The following PARD3B variants were observed in gnomAD, a reference collection of about 807,000 sequenced individuals.
The protein encoded by PARD3B is par-3 family cell polarity regulator beta, also known as partitioning defective 3 homolog B.
PARD3B carries 103 observed loss-of-function variants against 130.2 expected under a neutral mutation model. The observed-to-expected ratio is 0.79, with a 90% CI of 0.67 to 0.93. The LOEUF (loss-of-function observed/expected upper bound fraction) is 0.93, where lower values mean the gene tolerates loss of function less well. Among genes scored for constraint, PARD3B ranks in the 40% least tolerant of loss-of-function variants. PARD3B has a pLI of 0.00. For missense variants in PARD3B, 1,609 were observed against 1,499.2 expected (o/e 1.07, Z -1.21); for synonymous variants, 583 against 553.2 (o/e 1.05, Z -0.76).
At chr2:205,046,811 GC>G (rs1198822661) in intron 3 of PARD3B, among the ~76,000 whole-genome samples, 1 of 152,114 alleles carries the variant, frequency 6.6e-6, no homozygotes, top group Non-Finnish European at 1.5e-5. Flanking sequence ...CTCTGTAGTG[GC>G]CAACTTTGTA....
Position 205,240,171 on chromosome 2 carries a change from T to G in PARD3B, c.2141-5607T>G, listed in dbSNP as rs190090944. On this transcript the variant is annotated intron_variant, in intron 15 of 22. Coordinates refer to ENST00000406610, the MANE Select transcript of PARD3B (RefSeq NM_001302769.2). ...AAACAGGTTTGCATTCCTTAGAAAT[T>G]CTGGAAATCAATCAGTGGCACAGAA... Among the ~76,000 whole-genome samples, 901 of 152,306 alleles carry G rather than the reference T, an allele frequency of 5.9e-3. 4 individuals are homozygous for G. Among genetic ancestry groups the G allele is most frequent in the Non-Finnish European group, 8.2e-3 (558 of 68,022 alleles).
intron 2 of PARD3B, among the ~76,000 whole-genome samples, chr2:204,802,880 C>G (rs2042621547): frequency 6.6e-6 from 1 of 151,842 alleles, no homozygotes; most frequent in Non-Finnish European, 1.5e-5. Flanking sequence ...AGGAGAAATA[C>G]CTAATGTAGA....
At chr2:204,824,787 G>T (rs1480879117) in intron 2 of PARD3B, among the ~76,000 whole-genome samples, 1 of 152,122 alleles carries the variant, frequency 6.6e-6, no homozygotes, top group Non-Finnish European at 1.5e-5. Context: ...GGCTTCTAAT[G>T]CTGAGGCTGT....
intron 2 of PARD3B, among the ~76,000 whole-genome samples, chr2:204,734,594 G>A (rs2039663080): frequency 6.6e-6 from 1 of 152,118 alleles, no homozygotes; most frequent in South Asian, 2.1e-4. Context: ...ACTTTTACAT[G>A]CAAAAACATG....
chr2:204,879,479 C>G (rs2045959856), intron 2 of PARD3B, among the ~76,000 whole-genome samples: 1 of 152,174 alleles, frequency 6.6e-6, no homozygotes, highest in African/African-American at 2.4e-5. Flanking sequence ...TGTGTTGACA[C>G]TAATCAACTA....
At chr2:205,044,648 G>A (rs1698639732) in intron 3 of PARD3B, among the ~76,000 whole-genome samples, 1 of 151,986 alleles carries the variant, frequency 6.6e-6, no homozygotes, top group African/African-American at 2.4e-5. Context: ...CTTTTTGATG[G>A]GGTTGTTTTT....
In PARD3B at chr2:205,352,024, G is replaced by A. The variant is rs2044013954; in HGVS notation, c.2631-48989G>A. Among the ~76,000 whole-genome samples the A allele has an allele frequency of 6.6e-6, 1 of 152,144 alleles. No homozygotes were observed. Among genetic ancestry groups the A allele is most frequent in the Admixed American group, 6.6e-5 (1 of 15,264 alleles). On this transcript the variant is annotated intron_variant, in intron 18 of 22. Transcript: ENST00000406610. The surrounding 1 kb of genome is among the most constrained non-coding windows in gnomAD (Gnocchi z 5.2). ...TAAGCTCTTTTATAAGGCTGAAATA[G>A]ATGTGGAGTATTTTAAGATGAATAG...
At chr2:205,452,980 A>G (rs1157434455) in intron 20 of PARD3B, among the ~76,000 whole-genome samples, 1 of 152,204 alleles carries the variant, frequency 6.6e-6, no homozygotes, top group Non-Finnish European at 1.5e-5. Flanking sequence ...TTTCAAACAA[A>G]TGACCTGATC....
chr2:204,562,068 A>G (rs1426861758), intron 1 of PARD3B, among the ~76,000 whole-genome samples: 1 of 152,154 alleles, frequency 6.6e-6, no homozygotes. Flanking sequence ...ACACACACAT[A>G]CAACAAACCC....
At chr2:205,134,211 C>T (rs958667709) in intron 10 of PARD3B, among the ~76,000 whole-genome samples, 2 of 152,042 alleles carry the variant, frequency 1.3e-5, no homozygotes, top group African/African-American at 4.8e-5. Context: ...TGCCCCTTAC[C>T]AGCATTTACA....
rs111586686 is a variant in PARD3B at position 204,831,402 on chromosome 2, C to G, written c.223-133750C>G. On this transcript the variant is annotated intron_variant, in intron 2 of 22. Coordinates refer to ENST00000406610, the MANE Select transcript of PARD3B (RefSeq NM_001302769.2). ...ATATAAAAACTTGCAGAAACTCAATCCACATGTCTTAATTAGAAGCCACCA... is the reference window on the plus strand; with the variant it reads ...ATATAAAAACTTGCAGAAACTCAATGCACATGTCTTAATTAGAAGCCACCA... 3.3e-4 allele frequency among the ~76,000 whole-genome samples: 50 copies of G among 152,158 alleles called. 1 individual carries two copies. Among genetic ancestry groups the G allele is most frequent in the Non-Finnish European group, 5.7e-4 (39 of 68,020 alleles).
chr2:205,539,601 C>G (rs1045446349), intron 21 of PARD3B, among the ~76,000 whole-genome samples: 3 of 152,290 alleles, frequency 2.0e-5, no homozygotes, highest in African/African-American at 7.2e-5. Flanking sequence ...CCAGCTGTCA[C>G]AACTGATGAC....
chr2:204,659,512 G>C (rs1362144922), intron 1 of PARD3B, among the ~76,000 whole-genome samples: 1 of 152,140 alleles, frequency 6.6e-6, no homozygotes, highest in Admixed American at 6.6e-5. Context: ...ACAAGTGTGT[G>C]AGTTGTGTAT....
rs2043993023 is a variant in PARD3B at position 205,351,489 on chromosome 2, G to A, written c.2631-49524G>A. ...AACTGCACCTGGTGCTGAGTGAGTG[G>A]TAGCATAAGCAATTTGGGCTGGAGT... On this transcript the variant is annotated intron_variant, in intron 18 of 22. Transcript: ENST00000406610. The surrounding 1 kb of genome is among the most constrained non-coding windows in gnomAD (Gnocchi z 4.2). Among the ~76,000 whole-genome samples, 1 of 152,144 alleles carries A rather than the reference G, an allele frequency of 6.6e-6. No individual in the cohort carries two copies. The highest frequency in any genetic ancestry group is 1.5e-5 in the Non-Finnish European group (1 of 68,022).
intron 2 of PARD3B, among the ~76,000 whole-genome samples, chr2:204,747,323 C>T (rs1466082628): frequency 6.6e-6 from 1 of 151,982 alleles, no homozygotes; most frequent in African/African-American, 2.4e-5. Context: ...AGTGAACTCC[C>T]ATTCACAATT....
At chr2:204,957,365 A>G (rs1455611655) in intron 2 of PARD3B, among the ~76,000 whole-genome samples, 1 of 152,164 alleles carries the variant, frequency 6.6e-6, no homozygotes, top group Admixed American at 6.5e-5. Flanking sequence ...ATAAGGATAA[A>G]TAGGGTTTTC....
chr2:205,333,833 T>C (rs1284509093), intron 18 of PARD3B, among the ~76,000 whole-genome samples: 2 of 152,162 alleles, frequency 1.3e-5, no homozygotes, highest in South Asian at 4.1e-4. Flanking sequence ...TGTTTTTTTT[T>C]CCTTGTTATT....
intron 2 of PARD3B, among the ~76,000 whole-genome samples, chr2:204,705,643 A>G (rs1436204185): frequency 6.6e-6 from 1 of 152,236 alleles, no homozygotes; most frequent in South Asian, 2.1e-4. Flanking sequence ...GTTAAATATC[A>G]TCTGTCAAGC....
chr2:205,106,406 C>T (rs1703215342), intron 5 of PARD3B, among the ~76,000 whole-genome samples: 3 of 152,098 alleles, frequency 2.0e-5, no homozygotes, highest in South Asian at 4.2e-4. Context: ...GCCTCAGCCT[C>T]CCAAAGTGCT....
Sources: allele counts gnomAD v4.1 joint callset (sites outside exome capture counted in the v4.1 genomes callset), GRCh38; gene constraint gnomAD v4.1.1; non-coding constraint Gnocchi (gnomAD v3.1); transcripts MANE v1.5; gene names NCBI Gene and HGNC (gene_info 2026-07-23, HGNC 2026-07-21).